HS6ST3: variants seen among roughly 807,000 people sequenced by gnomAD.
HS6ST3 encodes heparan sulfate 6-O-sulfotransferase 3, also known as heparan-sulfate 6-O-sulfotransferase 3.
Under a neutral mutation model 36.7 loss-of-function variants are expected in HS6ST3, and 12 were observed. The observed-to-expected ratio is 0.33, with a 90% CI of 0.21 to 0.53. The LOEUF (loss-of-function observed/expected upper bound fraction) is 0.53, where lower values mean the gene tolerates loss of function less well. Ranked by LOEUF, HS6ST3 falls within the 20% of genes least tolerant of loss-of-function variation. HS6ST3 has a pLI of 0.95. For missense variants in HS6ST3, 584 were observed against 640.9 expected (o/e 0.91, Z 0.96); for synonymous variants, 240 against 257.5 (o/e 0.93, Z 0.65).
intron 1 of HS6ST3, among the ~76,000 whole-genome samples, chr13:96,312,951 C>CAAAAAAAA (rs754098470): frequency 6.1e-5 from 5 of 81,438 alleles, no homozygotes; most frequent in African/African-American, 2.3e-4. Context: ...GACCCTGTCT[C>CAAAAAAAA]AAAAAAAAAA....
intron 1 of HS6ST3, among the ~76,000 whole-genome samples, chr13:96,114,463 A>G (rs1472385539): frequency 6.6e-6 from 1 of 151,946 alleles, no homozygotes. Flanking sequence ...TCTTTTCTTT[A>G]TTACTATTAA....
chr13:96,749,543 A>G (rs1876648025), intron 1 of HS6ST3, among the ~76,000 whole-genome samples: 1 of 152,134 alleles, frequency 6.6e-6, no homozygotes, highest in African/African-American at 2.4e-5. Flanking sequence ...TTTGGAGCCA[A>G]TGTTATATCA....
At chr13:96,204,098 G>A (rs566676766) in intron 1 of HS6ST3, among the ~76,000 whole-genome samples, 2 of 152,184 alleles carry the variant, frequency 1.3e-5, no homozygotes, top group Admixed American at 1.3e-4. Flanking sequence ...AAGCTTATAT[G>A]TATTAAGCTT....
chr13:96,158,204 G>C (rs929399139), intron 1 of HS6ST3, among the ~76,000 whole-genome samples: 1 of 152,188 alleles, frequency 6.6e-6, no homozygotes, highest in African/African-American at 2.4e-5. Context: ...GGTGTGGTTA[G>C]ATGGGTCGCC....
At chr13:96,419,352 A>T (rs2055550825) in intron 1 of HS6ST3, among the ~76,000 whole-genome samples, 1 of 152,216 alleles carries the variant, frequency 6.6e-6, no homozygotes, top group Admixed American at 6.5e-5. Flanking sequence ...GGCCTTTTAT[A>T]GAACAAAACA....
intron 1 of HS6ST3, among the ~76,000 whole-genome samples, chr13:96,454,554 C>G (rs1259238965): frequency 2.0e-5 from 3 of 152,082 alleles, no homozygotes; most frequent in African/African-American, 7.2e-5. Flanking sequence ...GATTATAACA[C>G]TAAAATCTGC....
intron 1 of HS6ST3, among the ~76,000 whole-genome samples, chr13:96,637,407 C>G (rs886978198): frequency 6.6e-6 from 1 of 152,058 alleles, no homozygotes; most frequent in African/African-American, 2.4e-5. Flanking sequence ...GTGGTTTAGA[C>G]ATTAATTTTG....
chr13:96,560,256 G>A (rs1362911506), intron 1 of HS6ST3, among the ~76,000 whole-genome samples: 1 of 152,198 alleles, frequency 6.6e-6, no homozygotes, highest in African/African-American at 2.4e-5. Context: ...AGTCATCTAT[G>A]ATAATAATGT....
rs200871715 is a variant in HS6ST3 at position 96,254,490 on chromosome 13, TATATATATACACATAC to T, written c.707+162925_707+162940del. On this transcript the variant is annotated intron_variant, in intron 1 of 1. Transcript: ENST00000376705. Reference sequence around the variant, plus strand: ...ATATATATATATATATATATATATATATATATATACACATACATACACACACACACTTTTTTCTTTT... The same window carrying T: ...ATATATATATATATATATATATATATATACACACACACACTTTTTTCTTTT... 4.6e-3 allele frequency among the ~76,000 whole-genome samples: 127 copies of T among 27,394 alleles called. 9 individuals are homozygous for T. Among genetic ancestry groups the T allele is most frequent in the African/African-American group, 8.6e-3 (61 of 7,098 alleles). 18.0% of individuals were successfully genotyped at this position (27,394 alleles called of 152,430 possible). A position where few individuals can be genotyped will look rare whatever the true frequency, so the allele number is the denominator to read the frequency against.
chr13:96,487,719 A>G (rs907806090), intron 1 of HS6ST3, among the ~76,000 whole-genome samples: 2 of 152,162 alleles, frequency 1.3e-5, no homozygotes, highest in African/African-American at 4.8e-5. Context: ...CAATATTTAA[A>G]CAAAGGAGAG....
At chr13:96,342,054 C>T (rs995984931) in intron 1 of HS6ST3, among the ~76,000 whole-genome samples, 2 of 151,980 alleles carry the variant, frequency 1.3e-5, no homozygotes, top group African/African-American at 4.8e-5. Context: ...TATCTTCTCT[C>T]CACCACTGAA....
intron 1 of HS6ST3, among the ~76,000 whole-genome samples, chr13:96,459,465 G>A (rs893198221): frequency 6.6e-6 from 1 of 151,998 alleles, no homozygotes; most frequent in Non-Finnish European, 1.5e-5. Flanking sequence ...TCAGAATAGA[G>A]TATAACGCAA....
chr13:96,239,840 T>C (rs2054551867), intron 1 of HS6ST3, among the ~76,000 whole-genome samples: 1 of 152,144 alleles, frequency 6.6e-6, no homozygotes, highest in Admixed American at 6.5e-5. Flanking sequence ...CTGATGTGAT[T>C]CTATCTAAGT....
chr13:96,287,028 A>G (rs1039089165), intron 1 of HS6ST3, among the ~76,000 whole-genome samples: 2 of 152,162 alleles, frequency 1.3e-5, no homozygotes, highest in African/African-American at 4.8e-5. Context: ...CCCAGCACCC[A>G]TGGCAGCAAT....
intron 1 of HS6ST3, among the ~76,000 whole-genome samples, chr13:96,388,311 G>A (rs1283491933): frequency 1.3e-5 from 2 of 152,182 alleles, no homozygotes; most frequent in Non-Finnish European, 2.9e-5. Context: ...AGAATTTAAT[G>A]TTCACAAGGA....
At chr13:96,331,725 G>T (rs1014273811) in intron 1 of HS6ST3, among the ~76,000 whole-genome samples, 2 of 152,146 alleles carry the variant, frequency 1.3e-5, no homozygotes. Flanking sequence ...GGAGCTTCCC[G>T]GCTGCTTTGT....
At chr13:96,446,151 C>T (rs868038936) in intron 1 of HS6ST3, among the ~76,000 whole-genome samples, 6 of 146,782 alleles carry the variant, frequency 4.1e-5, no homozygotes, top group Admixed American at 6.9e-5. Flanking sequence ...CCAGCCTGGG[C>T]GACAGAGCAA....
At chr13:96,567,483 A>T (rs1315788959) in intron 1 of HS6ST3, among the ~76,000 whole-genome samples, 2 of 152,202 alleles carry the variant, frequency 1.3e-5, no homozygotes, top group African/African-American at 4.8e-5. Flanking sequence ...TGAGCTAAAA[A>T]TTTTATATGC....
At chr13:96,603,071 C>A (rs568153002) in intron 1 of HS6ST3, among the ~76,000 whole-genome samples, 4 of 152,200 alleles carry the variant, frequency 2.6e-5, no homozygotes, top group East Asian at 1.9e-4. Flanking sequence ...TTGTTGTTTT[C>A]GTGTGGGAAA....
Sources: gnomAD v4.1 joint callset for allele counts (sites outside exome capture counted in the v4.1 genomes callset) on GRCh38, gnomAD v4.1.1 for gene constraint, MANE v1.5 for transcripts, NCBI Gene and HGNC (gene_info 2026-07-23, HGNC 2026-07-21) for gene names.